Variants in MOV10L1 observed in about 807,000 individuals in gnomAD.
MOV10L1 encodes RNA helicase Mov10l1.
In MOV10L1, 110 loss-of-function variants were observed where a neutral mutation model predicts 143.8. The ratio of observed to expected loss-of-function variants is 0.76; its 90% confidence interval spans 0.66 to 0.90. MOV10L1 has a LOEUF of 0.90. MOV10L1 is among the 40% of genes least tolerant of loss of function. The pLI is 0.00. For synonymous variants in MOV10L1, 593 were observed against 581.1 expected (o/e 1.02, Z -0.29); for missense variants, 1,406 against 1,526.8 (o/e 0.92, Z 1.32).
intron 2 of MOV10L1, among the ~76,000 whole-genome samples, chr22:50,097,682 G>A (rs1329738994): frequency 6.6e-6 from 1 of 152,074 alleles, no homozygotes; most frequent in Non-Finnish European, 1.5e-5. Context: ...GAAATCAGGA[G>A]GTATGAAACC....
At position 50,090,639 on chromosome 22, in the gene MOV10L1, G is replaced by T. The variant is rs1037622566; in HGVS notation, c.97+454G>T. 47 of 1,181,834 alleles carry T rather than the reference G, an allele frequency of 4.0e-5. No homozygotes were observed. The Admixed American group carries it at 9.3e-4, about 23-fold the overall frequency. The allele number at this position is 1,181,834 out of a possible 1,614,324, so 73.2% of individuals were successfully genotyped here. On this transcript the variant is annotated intron_variant, in intron 1 of 26. Coordinates refer to ENST00000262794, the MANE Select transcript of MOV10L1 (RefSeq NM_018995.3). Reference sequence around the variant, plus strand: ...CCCATCTTTCTAAAGCCCGGGATGCGCCCGGATGCCCTCACCGTTCCTTTC... The same window carrying T: ...CCCATCTTTCTAAAGCCCGGGATGCTCCCGGATGCCCTCACCGTTCCTTTC...
chr22:50,160,470 G>T (rs1338515207), intron 24 of MOV10L1, among the ~76,000 whole-genome samples: 4 of 151,612 alleles, frequency 2.6e-5, no homozygotes, highest in Non-Finnish European at 2.9e-5. Flanking sequence ...AGCCAAGATG[G>T]TCTCGATCTC....
At chr22:50,157,761 C>CAAAAAAAAA (rs35212822) in intron 22 of MOV10L1, among the ~76,000 whole-genome samples, 2 of 120,290 alleles carry the variant, frequency 1.7e-5, no homozygotes, top group African/African-American at 3.4e-5. Flanking sequence ...GGTCTAATAT[C>CAAAAAAAAA]AAAAAAAAAA....
At chr22:50,154,754 CT>C (rs1343913380) in intron 22 of MOV10L1, among the ~76,000 whole-genome samples, 1 of 152,206 alleles carries the variant, frequency 6.6e-6, no homozygotes, top group Non-Finnish European at 1.5e-5. Context: ...CGAATTTTAA[CT>C]GCTGTGTTTC....
At chr22:50,145,207 G>C (rs1004001715) in intron 18 of MOV10L1, among the ~76,000 whole-genome samples, 4 of 152,206 alleles carry the variant, frequency 2.6e-5, no homozygotes, top group Non-Finnish European at 5.9e-5. Context: ...CTCCCAAAGT[G>C]TTGAGATTAC....
In MOV10L1 at chr22:50,134,772, C is replaced by T. The variant is rs1378008464; in HGVS notation, c.2070+142C>T. ...TGTAACTGTCTACACAGGGGGTGGG[C>T]GTTTCCTTCTCGGAGTATTAGCGCT... is the stretch of plus-strand genomic sequence containing the variant. On this transcript the variant is annotated intron_variant, in intron 15 of 26. Coordinates refer to ENST00000262794, the MANE Select transcript of MOV10L1 (RefSeq NM_018995.3). 4.0e-5 allele frequency: 27 copies of T among 675,072 alleles called. No homozygotes were observed. In the Middle Eastern group the frequency reaches 8.5e-4, roughly 21 times the overall value. 41.8% of individuals were successfully genotyped at this position (675,072 alleles called of 1,614,324 possible).
At chr22:50,122,006 T>C (rs2062360211) in intron 10 of MOV10L1, among the ~76,000 whole-genome samples, 1 of 152,178 alleles carries the variant, frequency 6.6e-6, no homozygotes, top group South Asian at 2.1e-4. Context: ...CCCAGGCTGG[T>C]CTCAAACTCC....
At chr22:50,126,106 T>G (rs5771077) in intron 11 of MOV10L1, 96 bp from the exon 12 acceptor site, 1 of 830,578 alleles carries the variant, frequency 1.2e-6, no homozygotes, top group South Asian at 1.6e-5. Flanking sequence ...CCCAGTAACG[T>G]TTTATTGAAC....
intron 10 of MOV10L1, 148 bp from the exon 11 acceptor site, chr22:50,125,244 G>A (rs1177549990): frequency 4.3e-6 from 3 of 704,224 alleles, no homozygotes; most frequent in South Asian, 1.9e-5. Context: ...GGAACTTACT[G>A]AGGCACCTGC....
intron 12 of MOV10L1, 114 bp from the exon 13 acceptor site, chr22:50,128,302 T>C (rs1024169051): frequency 1.5e-6 from 1 of 645,640 alleles, no homozygotes; most frequent in Non-Finnish European, 2.8e-6. Context: ...CAACTAATTT[T>C]GCAGATATCA....
chr22:50,119,779 A>G (rs980443743), intron 9 of MOV10L1, among the ~76,000 whole-genome samples: 3 of 151,708 alleles, frequency 2.0e-5, no homozygotes, highest in Non-Finnish European at 4.4e-5. Context: ...AGTGAATGGA[A>G]TACGGAGAGC....
intron 12 of MOV10L1, among the ~76,000 whole-genome samples, chr22:50,127,200 T>A (rs922925840): frequency 2.6e-5 from 4 of 151,958 alleles, no homozygotes; most frequent in Admixed American, 6.6e-5. Flanking sequence ...AAAGGAAGCT[T>A]TGCATACCAA....
chr22:50,122,169 T>C (rs1275239087), intron 10 of MOV10L1, among the ~76,000 whole-genome samples: 11 of 152,224 alleles, frequency 7.2e-5, no homozygotes, highest in Admixed American at 7.2e-4. Context: ...CAATATTGAA[T>C]CCTCCAGGCT....
intron 5 of MOV10L1, among the ~76,000 whole-genome samples, chr22:50,109,137 C>G (rs1013055726): frequency 6.6e-6 from 1 of 152,010 alleles, no homozygotes; most frequent in Non-Finnish European, 1.5e-5. Context: ...AGTAAAACTC[C>G]GTCTCAAAAA....
chr22:50,107,903 C>T (rs1351266497), intron 3 of MOV10L1, among the ~76,000 whole-genome samples: 1 of 152,226 alleles, frequency 6.6e-6, no homozygotes, highest in African/African-American at 2.4e-5. Flanking sequence ...ACTGCACCTT[C>T]TAGAGCCTGG....
At position 50,145,827 on chromosome 22, in the gene MOV10L1, G is replaced by T. The variant is rs2063137691; in HGVS notation, c.2627+17G>T. Reference sequence around the variant, plus strand: ...AGGAGTGAGGTGAGCCCCGGGCATGGAGCGCGGCATGGGGCCTCCCAGGGC... The same window carrying T: ...AGGAGTGAGGTGAGCCCCGGGCATGTAGCGCGGCATGGGGCCTCCCAGGGC... On this transcript the variant is annotated intron_variant, in intron 19 of 26. Coordinates refer to ENST00000262794, the MANE Select transcript of MOV10L1 (RefSeq NM_018995.3). 1.9e-6 allele frequency: 3 copies of T among 1,612,940 alleles called. No homozygotes were observed. Among genetic ancestry groups the T allele is most frequent in the South Asian group, 1.1e-5 (1 of 91,056 alleles).
chr22:50,139,044 C>T (rs2062910767), intron 15 of MOV10L1, among the ~76,000 whole-genome samples: 1 of 150,960 alleles, frequency 6.6e-6, no homozygotes, highest in Admixed American at 6.6e-5. Flanking sequence ...ATGTTTTAAA[C>T]ATTAGGGATA....
chr22:50,119,271 C>A (rs530211242), intron 9 of MOV10L1, among the ~76,000 whole-genome samples: 2 of 152,306 alleles, frequency 1.3e-5, no homozygotes, highest in East Asian at 3.9e-4. Flanking sequence ...GAGTGCCTGA[C>A]CCGGGTTGGC....
chr22:50,090,245 G>C, intron 1 of MOV10L1, 60 bp downstream of exon 1: 1 of 1,407,904 alleles, frequency 7.1e-7, no homozygotes, highest in Non-Finnish European at 9.2e-7. Flanking sequence ...GGCCACGAGG[G>C]AGCCGCGCCC....
Sources: allele counts gnomAD v4.1 joint callset (sites outside exome capture counted in the v4.1 genomes callset), GRCh38; gene constraint gnomAD v4.1.1; transcripts MANE v1.5; gene names NCBI Gene and HGNC (gene_info 2026-07-23, HGNC 2026-07-21).